The following TP53I3 variants were observed in gnomAD, a reference collection of about 807,000 sequenced individuals.
TP53I3 encodes quinone oxidoreductase PIG3.
TP53I3 carries 32 observed loss-of-function variants against 27.7 expected under a neutral mutation model. That is an observed-to-expected ratio of 1.16 (90% confidence interval 0.87 to 1.55). TP53I3 has a LOEUF of 1.55. Ranked by LOEUF, TP53I3 falls within the 40% of genes most tolerant of loss-of-function variation. TP53I3 has a pLI of 0.00. For synonymous variants in TP53I3, 138 were observed against 167.8 expected, an observed-to-expected ratio of 0.82 and a Z score of 1.37; for missense variants, 372 against 412.3, an observed-to-expected ratio of 0.90 and a Z score of 0.85.
rs1558356898 is a variant in TP53I3, at chr2:24,077,489, C to T, written c.*90G>A. ...CTTTAAACGGCTCTGGAGGAAGCACCGGGTTTCTTGGCCTGTCTATTGTGA... is the reference window on the plus strand; with the variant it reads ...CTTTAAACGGCTCTGGAGGAAGCACTGGGTTTCTTGGCCTGTCTATTGTGA... On this transcript the variant is annotated 3_prime_UTR_variant, in exon 5 of 5. Coordinates refer to ENST00000238721, the MANE Select transcript of TP53I3 (RefSeq NM_004881.5). The surrounding 1 kb of genome is among the most constrained non-coding windows in gnomAD (Gnocchi z 5.5). 2 of 1,412,928 alleles carry T rather than the reference C, an allele frequency of 1.4e-6. No homozygotes were observed. The highest frequency in any genetic ancestry group is 2.9e-5 in the South Asian group (2 of 69,068). The allele number at this position is 1,412,928 out of a possible 1,614,324, so 87.5% of individuals were successfully genotyped here.
intron 2 of TP53I3, among the ~76,000 whole-genome samples, chr2:24,082,229 C>A (rs998287636): frequency 2.6e-5 from 4 of 152,178 alleles, no homozygotes; most frequent in Non-Finnish European, 5.9e-5. Flanking sequence ...CTCCTGGGCT[C>A]GTGATCTGTC....
chr2:24,084,221 C>T lies in TP53I3; in HGVS notation c.106G>A (p.Ala36Thr), dbSNP rs777984711. The T allele has an allele frequency of 1.4e-5, 23 of 1,613,746 alleles. No homozygotes were observed. The highest frequency in any genetic ancestry group is 8.5e-7 in the Non-Finnish European group (1 of 1,179,934). ...AAGTCCGCCCGGTTCAGGGCGCTGG[C>T]CGCCACCTTCAGGAGGACTTCACCC... ...GEGEVLLKVA[A>T]SALNRADLMQ... Residue 36 changes from alanine to threonine, a missense_variant, in exon 1 of 5, where the codon GCC becomes ACC. Coordinates refer to ENST00000238721, the MANE Select transcript of TP53I3 (RefSeq NM_004881.5). The surrounding 1 kb of genome is among the most constrained non-coding windows in gnomAD (Gnocchi z 8.4).
chr2:24,082,100 A>G lies in TP53I3; in HGVS notation c.406+785T>C, dbSNP rs149854316. Reference sequence around the variant, plus strand: ...GCCTTGACCTTCCTGGGCTCAGGTGATCCTCCCAACTCAGCCTCCTGAGTA... The same window carrying G: ...GCCTTGACCTTCCTGGGCTCAGGTGGTCCTCCCAACTCAGCCTCCTGAGTA... On this transcript the variant is annotated intron_variant, in intron 2 of 4. Coordinates refer to ENST00000238721, the MANE Select transcript of TP53I3 (RefSeq NM_004881.5). Among the ~76,000 whole-genome samples the G allele has an allele frequency of 7.3e-3, 1,109 of 152,180 alleles. 9 individuals are homozygous for G. The highest frequency in any genetic ancestry group is 0.026 in the African/African-American group (1,071 of 41,518).
In TP53I3 at chr2:24,077,757, T is replaced by A. The variant is rs757449274; in HGVS notation, c.821A>T (p.Lys274Met). Residue 274 changes from lysine to methionine, a missense_variant, in exon 5 of 5, where the codon AAG becomes ATG. Physicochemically the swap from Lys to Met is moderately conservative, Grantham distance 95. Coordinates refer to ENST00000238721, the MANE Select transcript of TP53I3 (RefSeq NM_004881.5). This position sits in a 1 kb window ranked among gnomAD's most constrained non-coding sequence, Gnocchi z 5.5. ...SLLRSRDNKY[K>M]QMLVNAFTEQ... ...CGTGAAAGCATTCACCAGCATTTGC[T>A]TGTACTAAGACAAGGGAAAGGAGAT... is the stretch of plus-strand genomic sequence containing the variant. 13 of 1,613,088 alleles carry A rather than the reference T, an allele frequency of 8.1e-6. No homozygotes were observed. The Middle Eastern group carries it at 4.9e-4, about 61-fold the overall frequency.
chr2:24,084,614 C>A lies in TP53I3; in HGVS notation c.-288G>T, dbSNP rs1372493911. The A allele has an allele frequency of 5.2e-6, 2 of 381,346 alleles. No individual in the cohort carries two copies. Among genetic ancestry groups the A allele is most frequent in the Non-Finnish European group, 9.4e-6 (2 of 212,126 alleles). 23.6% of individuals were successfully genotyped at this position (381,346 alleles called of 1,614,324 possible). ...AACGGCGGGAAGTGGGATGGCGGTA[C>A]AGGGCTGGATGCGGCAGAGCAGGAC... is the stretch of plus-strand genomic sequence containing the variant. On this transcript the variant is annotated 5_prime_UTR_variant, in exon 1 of 5. Transcript: ENST00000238721. This position sits in a 1 kb window ranked among gnomAD's most constrained non-coding sequence, Gnocchi z 8.4.
Position 24,084,395 on chromosome 2 carries a change from G to GCAGGGCAGGGCAGGACAGGA in TP53I3, c.-70_-69insTCCTGTCCTGCCCTGCCCTG. The GCAGGGCAGGGCAGGACAGGA allele has an allele frequency of 6.7e-7, 1 of 1,488,346 alleles. No individual in the cohort carries two copies. The highest frequency in any genetic ancestry group is 1.3e-5 in the South Asian group (1 of 79,002). The allele number at this position is 1,488,346 out of a possible 1,614,324, so 92.2% of individuals were successfully genotyped here. ...GCAGGGCAGGGCAGGACAGGACAGG[G>GCAGGGCAGGGCAGGACAGGA]CAGGGCAGGACAGGACAGGGCAGGG... On this transcript the variant is annotated 5_prime_UTR_variant, in exon 1 of 5. Coordinates refer to ENST00000238721, the MANE Select transcript of TP53I3 (RefSeq NM_004881.5). This position sits in a 1 kb window ranked among gnomAD's most constrained non-coding sequence, Gnocchi z 8.4.
In TP53I3 at chr2:24,084,140, G is replaced by A; in HGVS notation, c.138+49C>T. On this transcript the variant is annotated intron_variant, in intron 1 of 4. Transcript: ENST00000238721. This position sits in a 1 kb window ranked among gnomAD's most constrained non-coding sequence, Gnocchi z 8.4. ...CAATGTCCACTGAGTGCTGTTGAGA[G>A]GGAGGCTCTGGAGTCCCGCCCGCCC... 1.3e-6 allele frequency: 2 copies of A among 1,572,224 alleles called. No homozygotes were observed. The highest frequency in any genetic ancestry group is 1.3e-5 in the African/African-American group (1 of 74,500).
Position 24,080,054 on chromosome 2 carries a change from T to C in TP53I3, c.620-414A>G, listed in dbSNP as rs186260667. Among the ~76,000 whole-genome samples, 7 of 152,248 alleles carry C rather than the reference T, an allele frequency of 4.6e-5. No homozygotes were observed. The East Asian group carries it at 1.4e-3, about 29-fold the overall frequency. The stretch of plus-strand genomic sequence containing the variant: ...CTAGCTTTGGTTTCATCTCTCCTTT[T>C]CTACTCACATAAAAAATGGAGGCCA... On this transcript the variant is annotated intron_variant, in intron 3 of 4. Coordinates refer to ENST00000238721, the MANE Select transcript of TP53I3 (RefSeq NM_004881.5). The surrounding 1 kb of genome is among the most constrained non-coding windows in gnomAD (Gnocchi z 4.7).
Position 24,079,529 on chromosome 2 carries a change from C to T in TP53I3, c.731G>A (p.Gly244Asp). 2 of 1,614,134 alleles carry T rather than the reference C, an allele frequency of 1.2e-6. No homozygotes were observed. The highest frequency in any genetic ancestry group is 1.7e-6 in the Non-Finnish European group (2 of 1,180,012). Residue 244 changes from glycine (G) to aspartate (D), a missense_variant, in exon 4 of 5, where the codon GGT (glycine) becomes GAT (aspartate). Transcript: ENST00000238721. ...RWVLYGLMGGGDINGPLFSKL... is the reference protein window; with the variant it reads ...RWVLYGLMGGDDINGPLFSKL... ...TGAAAACAGGGGCCCATTGATGTCA[C>T]CTCCTCCCATCAGACCATAGAGAAC...
rs1264776571 is a variant in TP53I3 at position 24,077,653 on chromosome 2, C to T, written c.925G>A (p.Glu309Lys). 3.7e-6 allele frequency: 6 copies of T among 1,613,168 alleles called. No individual in the cohort carries two copies. The African/African-American group carries it at 8.0e-5, about 22-fold the overall frequency. ...ATGTACTTATGGGCCTCCTGGATTT[C>T]GGTCACTGGGTAGATTCTGTCCAGA... Reference protein sequence around the residue: ...PVLDRIYPVTEIQEAHKYMEA... With the variant: ...PVLDRIYPVTKIQEAHKYMEA... Residue 309 changes from glutamate to lysine, a missense_variant, in exon 5 of 5, where the codon GAA becomes AAA. Glu to Lys is a moderately conservative substitution (Grantham distance 56). Coordinates refer to ENST00000238721, the MANE Select transcript of TP53I3 (RefSeq NM_004881.5). This position sits in a 1 kb window ranked among gnomAD's most constrained non-coding sequence, Gnocchi z 5.5.
intron 2 of TP53I3, among the ~76,000 whole-genome samples, chr2:24,081,408 A>G (rs1316969568): frequency 6.6e-6 from 1 of 152,160 alleles, no homozygotes; most frequent in Non-Finnish European, 1.5e-5. Context: ...TACCATTCCC[A>G]TGGTCACCAC....
rs761220282 is a variant in TP53I3, at chr2:24,077,556, G to A, written c.*23C>T. On this transcript the variant is annotated 3_prime_UTR_variant, in exon 5 of 5. Transcript: ENST00000238721. The surrounding 1 kb of genome is among the most constrained non-coding windows in gnomAD (Gnocchi z 5.5). ...CTCTGGAAAGGCCTGGGGTGGCCGC[G>A]TCCTGTCCTGCCCCATCCTCCTTCA... The A allele has an allele frequency of 1.2e-6, 2 of 1,602,924 alleles. No individual in the cohort carries two copies. Among genetic ancestry groups the A allele is most frequent in the East Asian group, 4.5e-5 (2 of 44,788 alleles).
Position 24,079,429 on chromosome 2 carries a change from T to C in TP53I3, c.816+15A>G. ...CTGGGTTAAATCACATGTTTTCTTT[T>C]CATTCATCACTCACCTTATTGTCCC... On this transcript the variant is annotated intron_variant, in intron 4 of 4. Transcript: ENST00000238721. The C allele has an allele frequency of 6.2e-7, 1 of 1,611,970 alleles. No individual in the cohort carries two copies. The highest frequency in any genetic ancestry group is 8.5e-7 in the Non-Finnish European group (1 of 1,178,680).
At position 24,080,978 on chromosome 2, in the gene TP53I3, C is replaced by G; in HGVS notation, c.460G>C (p.Gly154Arg). 1 of 1,614,152 alleles carries G rather than the reference C, an allele frequency of 6.2e-7. No homozygotes were observed. The highest frequency in any genetic ancestry group is 8.5e-7 in the Non-Finnish European group (1 of 1,180,028). ...CGGGTGAGTTGGATAGCAGCTGTGCCCACACCACTCAGTCCTGCATGGATT... is the reference window on the plus strand; with the variant it reads ...CGGGTGAGTTGGATAGCAGCTGTGCGCACACCACTCAGTCCTGCATGGATT... ...VLIHAGLSGV[G>R]TAAIQLTRMA... Residue 154 changes from glycine to arginine, a missense_variant, in exon 3 of 5, where the codon GGC becomes CGC. By Grantham distance (125) the Gly-to-Arg change is moderately radical. Transcript: ENST00000238721. The surrounding 1 kb of genome is among the most constrained non-coding windows in gnomAD (Gnocchi z 4.7).
rs200700296 is a variant in TP53I3 at position 24,084,184 on chromosome 2, G to T, written c.138+5C>A. Reference sequence around the variant, plus strand: ...CCCGCCCCGGCGCGGCTGAGCCCTGGGTACCTGCATTAAGTCCGCCCGGTT... The same window carrying T: ...CCCGCCCCGGCGCGGCTGAGCCCTGTGTACCTGCATTAAGTCCGCCCGGTT... On this transcript the variant is annotated splice_donor_5th_base_variant and intron_variant, in intron 1 of 4. Coordinates refer to ENST00000238721, the MANE Select transcript of TP53I3 (RefSeq NM_004881.5). The surrounding 1 kb of genome is among the most constrained non-coding windows in gnomAD (Gnocchi z 8.4). 203 of 1,609,824 alleles carry T rather than the reference G, an allele frequency of 1.3e-4. No homozygotes were observed. Among genetic ancestry groups the T allele is most frequent in the Non-Finnish European group, 1.6e-4 (194 of 1,178,672 alleles).
At chr2:24,083,895 AG>A (rs1285186776) in intron 1 of TP53I3, among the ~76,000 whole-genome samples, 1 of 152,200 alleles carries the variant, frequency 6.6e-6, no homozygotes, top group Non-Finnish European at 1.5e-5. Context: ...GATGGCGAAC[AG>A]GGTAGCCTGG....
In TP53I3 at chr2:24,077,766, G is replaced by C. The variant is rs1664821077; in HGVS notation, c.817-5C>G. 1.2e-6 allele frequency: 2 copies of C among 1,611,492 alleles called. No individual in the cohort carries two copies. The highest frequency in any genetic ancestry group is 2.2e-5 in the South Asian group (2 of 90,778). On this transcript the variant is annotated splice_region_variant and splice_polypyrimidine_tract_variant and intron_variant, in intron 4 of 4. Transcript: ENST00000238721. The surrounding 1 kb of genome is among the most constrained non-coding windows in gnomAD (Gnocchi z 5.5). ...ATTCACCAGCATTTGCTTGTACTAA[G>C]ACAAGGGAAAGGAGATCATCAGCCT...
intron 1 of TP53I3, 73 bp from the exon 2 acceptor site, chr2:24,083,225 C>T: frequency 6.8e-7 from 1 of 1,471,452 alleles, no homozygotes; most frequent in South Asian, 1.4e-5. Context: ...GGCCCCCCTT[C>T]CAAGATCCCC....
chr2:24,078,831 AG>A (rs1043882081), intron 4 of TP53I3: 3 of 152,566 alleles, frequency 2.0e-5, no homozygotes, highest in Non-Finnish European at 4.4e-5. Context: ...ACATTCCCAA[AG>A]GTGGTACCTG....
Sources: gnomAD v4.1 joint callset for allele counts (sites outside exome capture counted in the v4.1 genomes callset) on GRCh38, gnomAD v4.1.1 for gene constraint, Gnocchi (gnomAD v3.1) non-coding constraint, MANE v1.5 for transcripts, NCBI Gene and HGNC (gene_info 2026-07-23, HGNC 2026-07-21) for gene names.